Variants in HPS3 observed in about 807,000 individuals in gnomAD.
HPS3 encodes HPS3 biogenesis of lysosomal organelles complex 2 subunit 1, also known as BLOC-2 complex member HPS3.
In HPS3, 79 loss-of-function variants were observed where a neutral mutation model predicts 110.9. The observed-to-expected ratio is 0.71, with a 90% CI of 0.59 to 0.86. The LOEUF is 0.86. HPS3 is among the 40% of genes least tolerant of loss of function. HPS3 has a pLI of 0.00. For synonymous variants in HPS3, 428 were observed against 451.0 expected (o/e 0.95, Z 0.65); for missense variants, 1,197 against 1,206.2 (o/e 0.99, Z 0.11).
chr3:149,150,007 C>T (rs894911369), intron 5 of HPS3, among the ~76,000 whole-genome samples: 1 of 152,154 alleles, frequency 6.6e-6, no homozygotes, highest in Non-Finnish European at 1.5e-5. Flanking sequence ...GTGGACCAGT[C>T]ATGAACCTTT....
intron 1 of HPS3, among the ~76,000 whole-genome samples, chr3:149,139,112 A>G (rs1404676104): frequency 6.6e-6 from 1 of 152,202 alleles, no homozygotes; most frequent in Non-Finnish European, 1.5e-5. Context: ...CCCTGGAAAT[A>G]TATTTGAATG....
chr3:149,162,872 G>T lies in HPS3; in HGVS notation c.2475G>T (p.Glu825Asp). ...ACACCACACCATTGCGAACATCGGA[G>T]GATCTGGTAAGATAATGGAATAATA... ...PPDTTPLRTS[E>D]DLINACSHYG... is the part of the protein sequence containing the mutation. Residue 825 changes from glutamate to aspartate, a missense_variant, in exon 13 of 17, where the codon GAG (glutamate) becomes GAT (aspartate). Coordinates refer to ENST00000296051, the MANE Select transcript of HPS3 (RefSeq NM_032383.5). 1 of 1,612,714 alleles carries T rather than the reference G, an allele frequency of 6.2e-7. No individual in the cohort carries two copies. The highest frequency in any genetic ancestry group is 1.7e-5 in the Admixed American group (1 of 59,978).
At chr3:149,170,269 CTA>C (rs769707156) in intron 16 of HPS3, among the ~76,000 whole-genome samples, 1 of 152,170 alleles carries the variant, frequency 6.6e-6, no homozygotes, top group Non-Finnish European at 1.5e-5. Flanking sequence ...TTTGTTGACT[CTA>C]TAACAACTCC....
At chr3:149,137,558 A>G (rs1030678614) in intron 1 of HPS3, among the ~76,000 whole-genome samples, 1 of 152,242 alleles carries the variant, frequency 6.6e-6, no homozygotes, top group Non-Finnish European at 1.5e-5. Flanking sequence ...AAGAGCCAAA[A>G]GGTGGAAACA....
chr3:149,150,726 G>A, intron 6 of HPS3, 46 bp downstream of exon 6: 1 of 1,425,682 alleles, frequency 7.0e-7, no homozygotes. Flanking sequence ...GATCACAAGG[G>A]AGCACATGAA....
At chr3:149,171,233 G>A (rs576407711) in intron 16 of HPS3, among the ~76,000 whole-genome samples, 13 of 151,758 alleles carry the variant, frequency 8.6e-5, no homozygotes, top group South Asian at 6.2e-4. Flanking sequence ...AGCTGAGATC[G>A]CACCACTGCA....
rs1201293451 is a variant in HPS3 at position 149,131,450 on chromosome 3, C to G, written c.217+1510C>G. On this transcript the variant is annotated intron_variant, in intron 1 of 16. Coordinates refer to ENST00000296051, the MANE Select transcript of HPS3 (RefSeq NM_032383.5). The stretch of plus-strand genomic sequence containing the variant: ...TGATAGTTCTTGGCAATATTTCAAA[C>G]TTTATCATAATTATTGTATCTATTA... Among the ~76,000 whole-genome samples the G allele has an allele frequency of 3.9e-5, 6 of 152,248 alleles. No homozygotes were observed. The South Asian group carries it at 1.2e-3, about 32-fold the overall frequency.
chr3:149,158,061 T>G (rs1485202640), intron 9 of HPS3, among the ~76,000 whole-genome samples: 4 of 152,182 alleles, frequency 2.6e-5, no homozygotes, highest in Non-Finnish European at 4.4e-5. Context: ...GTCTGCTACC[T>G]TAAGGGAGAG....
At chr3:149,168,269 A>G in intron 16 of HPS3, 1 of 353,530 alleles carries the variant, frequency 2.8e-6, no homozygotes, top group Non-Finnish European at 5.3e-6. Flanking sequence ...GTGAGTAGTC[A>G]TTAAGGCAAT....
chr3:149,131,137 A>C (rs75897659), intron 1 of HPS3, among the ~76,000 whole-genome samples: 7 of 150,224 alleles, frequency 4.7e-5, no homozygotes, highest in Admixed American at 3.3e-4. Flanking sequence ...AAAAAAAAAA[A>C]AAACAAAAAG....
At chr3:149,158,065 G>C (rs966861859) in intron 9 of HPS3, among the ~76,000 whole-genome samples, 1 of 152,140 alleles carries the variant, frequency 6.6e-6, no homozygotes, top group Non-Finnish European at 1.5e-5. Context: ...GCTACCTTAA[G>C]GGAGAGCTGC....
At chr3:149,171,846 A>G (rs879327436) in intron 16 of HPS3, among the ~76,000 whole-genome samples, 8 of 151,982 alleles carry the variant, frequency 5.3e-5, no homozygotes, top group Non-Finnish European at 1.2e-4. Context: ...CTAGGATTAC[A>G]GGTGTGCGCC....
intron 5 of HPS3, among the ~76,000 whole-genome samples, chr3:149,148,399 C>CTTTTTTTTTTTTTT (rs66720211): frequency 1.0e-5 from 1 of 100,372 alleles, no homozygotes. Context: ...CATATCAAGA[C>CTTTTTTTTTTTTTT]TTTTTTTTTT....
chr3:149,139,000 C>T lies in HPS3; in HGVS notation c.218-1004C>T, dbSNP rs114207481. ...AAAATGCCCATGCCCTTTGGCCCAA[C>T]ATATCTCACTTTTGGGAATCTGTAC... is the stretch of plus-strand genomic sequence containing the variant. On this transcript the variant is annotated intron_variant, in intron 1 of 16. Coordinates refer to ENST00000296051, the MANE Select transcript of HPS3 (RefSeq NM_032383.5). Among the ~76,000 whole-genome samples the T allele has an allele frequency of 7.4e-3, 1,125 of 152,316 alleles. 12 individuals are homozygous for T. The highest frequency in any genetic ancestry group is 0.013 in the South Asian group (65 of 4,828).
chr3:149,172,097 A>G lies in HPS3; in HGVS notation c.2890A>G (p.Thr964Ala). 2 of 1,613,042 alleles carry G rather than the reference A, an allele frequency of 1.2e-6. No individual in the cohort carries two copies. Among genetic ancestry groups the G allele is most frequent in the Non-Finnish European group, 8.5e-7 (1 of 1,179,190 alleles). The change falls in exon 17 of 17, where the codon ACA becomes GCA. Residue 964 changes from threonine to alanine, a missense_variant and splice_region_variant. Physicochemically the swap from Thr to Ala is moderately conservative, Grantham distance 58. Coordinates refer to ENST00000296051, the MANE Select transcript of HPS3 (RefSeq NM_032383.5). Reference protein sequence around the residue: ...YQLYLSSLKETLSIVAVELEL... With the variant: ...YQLYLSSLKEALSIVAVELEL... ...TTCAGATATTCTTTTCTACACAGAA[A>G]CATTGTCAATTGTTGCTGTGGAACT...
rs1722338291 is a variant in HPS3 at position 149,140,044 on chromosome 3, A to G, written c.258A>G (p.Thr86=). The G allele has an allele frequency of 6.2e-6, 10 of 1,613,442 alleles. No individual in the cohort carries two copies. The highest frequency in any genetic ancestry group is 8.5e-6 in the Non-Finnish European group (10 of 1,179,716). ...CAATTGAAGAGAAAAACAAAGCTAC[A>G]TTTCTACGTGCTTATGTGAACTGGA... ...LVAIEEKNKA[T]FLRAYVNWRN... Residue 86 remains threonine, a synonymous_variant, in exon 2 of 17, where the codon ACA becomes ACG. Coordinates refer to ENST00000296051, the MANE Select transcript of HPS3 (RefSeq NM_032383.5).
rs370783154 is a variant in HPS3, at chr3:149,162,122, T to C, written c.2107-26T>C. Reference sequence around the variant, plus strand: ...CAATCTAAATACAATGTACCTTTTGTTCCTAAATTTCTTTCTTATCTGAAG... The same window carrying C: ...CAATCTAAATACAATGTACCTTTTGCTCCTAAATTTCTTTCTTATCTGAAG... On this transcript the variant is annotated intron_variant, in intron 11 of 16. Transcript: ENST00000296051. The C allele has an allele frequency of 3.4e-4, 540 of 1,592,626 alleles. 1 individual carries two copies. Among genetic ancestry groups the C allele is most frequent in the Non-Finnish European group, 1.1e-4 (125 of 1,160,660 alleles).
intron 16 of HPS3, among the ~76,000 whole-genome samples, chr3:149,169,247 G>T (rs909456944): frequency 1.3e-5 from 2 of 152,104 alleles, no homozygotes; most frequent in African/African-American, 4.8e-5. Context: ...CTTTAGGTTC[G>T]TTTCACAGAA....
chr3:149,143,593 C>T (rs912640770), intron 4 of HPS3, among the ~76,000 whole-genome samples: 4 of 152,122 alleles, frequency 2.6e-5, no homozygotes, highest in Middle Eastern at 3.4e-3. Context: ...ACTGAATAGA[C>T]GAATGGATGG....
Sources: gnomAD v4.1 joint callset for allele counts (sites outside exome capture counted in the v4.1 genomes callset) on GRCh38, gnomAD v4.1.1 for gene constraint, MANE v1.5 for transcripts, NCBI Gene and HGNC (gene_info 2026-07-23, HGNC 2026-07-21) for gene names.